Variants in DGKG observed in about 807,000 individuals in gnomAD.
The protein encoded by DGKG is DAG kinase gamma.
In DGKG, 78 loss-of-function variants were observed where a neutral mutation model predicts 105.3. That is an observed-to-expected ratio of 0.74 (90% CI 0.62 to 0.89). The LOEUF is 0.89. DGKG is among the 40% of genes least tolerant of loss of function. DGKG has a pLI of 0.00. For synonymous variants in DGKG, 346 were observed against 367.1 expected, an observed-to-expected ratio of 0.94 and a Z score of 0.66; for missense variants, 958 against 1,020.1, an observed-to-expected ratio of 0.94 and a Z score of 0.83.
intron 20 of DGKG, among the ~76,000 whole-genome samples, chr3:186,241,773 CA>C (rs1410321411): frequency 6.6e-6 from 1 of 152,098 alleles, no homozygotes; most frequent in Non-Finnish European, 1.5e-5. Flanking sequence ...AAGATACAGA[CA>C]AAGAAGGAAA....
intron 5 of DGKG, among the ~76,000 whole-genome samples, chr3:186,292,685 C>G (rs757004168): frequency 2.6e-5 from 4 of 151,890 alleles, no homozygotes; most frequent in Non-Finnish European, 5.9e-5. Flanking sequence ...TCCCAGCTAC[C>G]CAGGAGGCTG....
intron 1 of DGKG, among the ~76,000 whole-genome samples, chr3:186,360,872 A>G (rs1040041860): frequency 1.3e-5 from 2 of 152,202 alleles, no homozygotes; most frequent in Non-Finnish European, 2.9e-5. Context: ...CCCCAAAATA[A>G]AGGAATGACA....
At chr3:186,309,292 G>A (rs1198178463) in intron 2 of DGKG, among the ~76,000 whole-genome samples, 2 of 152,104 alleles carry the variant, frequency 1.3e-5, no homozygotes, top group African/African-American at 2.4e-5. Context: ...AGGGAGCAAC[G>A]GTGCAGAGAT....
chr3:186,342,713 G>C lies in DGKG; in HGVS notation c.-249+19233C>G, dbSNP rs151200663. On this transcript the variant is annotated intron_variant, in intron 1 of 24. Coordinates refer to ENST00000265022, the MANE Select transcript of DGKG (RefSeq NM_001346.3). The stretch of plus-strand genomic sequence containing the variant: ...AGACATGATTGTCAATGAGGAGAAG[G>C]CTGGCTGTAATAAGTAGCCAAGAAG... Among the ~76,000 whole-genome samples the C allele has an allele frequency of 5.9e-5, 9 of 152,196 alleles. No homozygotes were observed. The South Asian group carries it at 1.2e-3, about 21-fold the overall frequency.
intron 5 of DGKG, among the ~76,000 whole-genome samples, chr3:186,291,871 T>G (rs544293556): frequency 1.8e-4 from 27 of 152,316 alleles, no homozygotes; most frequent in African/African-American, 5.8e-4. Flanking sequence ...ATTATACACT[T>G]AAAACATGCA....
Position 186,284,317 on chromosome 3 carries a change from C to G in DGKG, c.594+343G>C, listed in dbSNP as rs181967921. On this transcript the variant is annotated intron_variant, in intron 7 of 24. Coordinates refer to ENST00000265022, the MANE Select transcript of DGKG (RefSeq NM_001346.3). This position sits in a 1 kb window ranked among gnomAD's most constrained non-coding sequence, Gnocchi z 4.0. The stretch of plus-strand genomic sequence containing the variant: ...TTTCCCTTGGTCTTGTTGCCTCCCC[C>G]GCCCTCTCCTCTTGGCCTCAGGACT... Among the ~76,000 whole-genome samples the G allele has an allele frequency of 6.6e-6, 1 of 152,106 alleles. No individual in the cohort carries two copies.
chr3:186,274,915 G>A (rs1381417091), intron 10 of DGKG, among the ~76,000 whole-genome samples: 1 of 151,618 alleles, frequency 6.6e-6, no homozygotes, highest in Non-Finnish European at 1.5e-5. Context: ...TAATGGGATG[G>A]CTGGGTCAAA....
At position 186,320,530 on chromosome 3, in the gene DGKG, G is replaced by T; in HGVS notation, c.-71C>A. ...TTCACTAGGCTGAAGTGGAGGCCCA[G>T]CCCAGGGCCTGGCTCATTGCAGGTT... On this transcript the variant is annotated 5_prime_UTR_variant, in exon 2 of 25. In the 5' UTR this introduces an upstream ATG that the reference lacks. Transcript: ENST00000265022. 6.2e-7 allele frequency: 1 copy of T among 1,612,422 alleles called. No individual in the cohort carries two copies. Among genetic ancestry groups the T allele is most frequent in the South Asian group, 1.1e-5 (1 of 90,894 alleles).
At chr3:186,285,329 C>T (rs1560133824) in intron 6 of DGKG, among the ~76,000 whole-genome samples, 2 of 152,168 alleles carry the variant, frequency 1.3e-5, no homozygotes, top group Non-Finnish European at 2.9e-5. Context: ...TTATATATGG[C>T]ATTTAACATA....
chr3:186,245,300 A>G (rs908210956), intron 19 of DGKG, among the ~76,000 whole-genome samples: 1 of 152,236 alleles, frequency 6.6e-6, no homozygotes, highest in African/African-American at 2.4e-5. Flanking sequence ...TACACAAAGT[A>G]GCAAGGGAGA....
chr3:186,274,633 C>T (rs6765580), intron 10 of DGKG, among the ~76,000 whole-genome samples: 5,028 of 148,948 alleles, frequency 0.034, 308 homozygotes, highest in African/African-American at 0.12. Flanking sequence ...TGAGAACATG[C>T]GGTGTTTGGT....
intron 20 of DGKG, among the ~76,000 whole-genome samples, chr3:186,213,492 T>C (rs920833660): frequency 1.3e-5 from 2 of 152,278 alleles, no homozygotes; most frequent in Non-Finnish European, 2.9e-5. Flanking sequence ...CATGTGCATA[T>C]CTAATCACTT....
At chr3:186,186,639 G>A (rs1247594291) in intron 22 of DGKG, among the ~76,000 whole-genome samples, 2 of 152,192 alleles carry the variant, frequency 1.3e-5, no homozygotes, top group Admixed American at 6.5e-5. Context: ...CCAAAAATAG[G>A]TTAGTAGCAG....
intron 2 of DGKG, among the ~76,000 whole-genome samples, chr3:186,312,502 G>A (rs147176085): frequency 1.4e-3 from 209 of 152,292 alleles, no homozygotes; most frequent in African/African-American, 4.6e-3. Flanking sequence ...GCTGACTGCT[G>A]AGGCTTGCCT....
chr3:186,189,383 A>C (rs1368583563), intron 21 of DGKG, among the ~76,000 whole-genome samples: 9 of 152,232 alleles, frequency 5.9e-5, no homozygotes, highest in Admixed American at 5.2e-4. Flanking sequence ...CAACACAGCA[A>C]GAAATATCAG....
intron 5 of DGKG, among the ~76,000 whole-genome samples, chr3:186,293,530 G>A (rs1350212352): frequency 6.6e-6 from 1 of 152,192 alleles, no homozygotes; most frequent in African/African-American, 2.4e-5. Context: ...CCTTCATGAA[G>A]GGAAAGGTGG....
In DGKG at chr3:186,150,088, G is replaced by T; in HGVS notation, c.*2C>A. ...TGGTTTAGCTGGTGTTTGGCACACTGTTTAGTCTTTTGAACGGCTCTTCCT... is the reference window on the plus strand; with the variant it reads ...TGGTTTAGCTGGTGTTTGGCACACTTTTTAGTCTTTTGAACGGCTCTTCCT... On this transcript the variant is annotated 3_prime_UTR_variant, in exon 25 of 25. Transcript: ENST00000265022. 1 of 1,612,274 alleles carries T rather than the reference G, an allele frequency of 6.2e-7. No individual in the cohort carries two copies. The highest frequency in any genetic ancestry group is 8.5e-7 in the Non-Finnish European group (1 of 1,179,160).
At chr3:186,259,808 C>G (rs1351625306) in intron 16 of DGKG, among the ~76,000 whole-genome samples, 1 of 152,172 alleles carries the variant, frequency 6.6e-6, no homozygotes, top group Non-Finnish European at 1.5e-5. Context: ...AGACCTGCAG[C>G]TCACCATTAG....
At chr3:186,157,608 G>A (rs1275758508) in intron 24 of DGKG, among the ~76,000 whole-genome samples, 1 of 152,122 alleles carries the variant, frequency 6.6e-6, no homozygotes, top group Non-Finnish European at 1.5e-5. Flanking sequence ...GTAATTCTTT[G>A]AAATAATTTA....
Sources: gnomAD v4.1 joint callset for allele counts (sites outside exome capture counted in the v4.1 genomes callset) on GRCh38, gnomAD v4.1.1 for gene constraint, Gnocchi (gnomAD v3.1) non-coding constraint, MANE v1.5 for transcripts, NCBI Gene and HGNC (gene_info 2026-07-23, HGNC 2026-07-21) for gene names.